CACNA1C: variants seen among roughly 807,000 people sequenced by gnomAD.
CACNA1C encodes the protein voltage-dependent L-type calcium channel subunit alpha-1C.
Under a neutral mutation model 229.0 loss-of-function variants are expected in CACNA1C, and 30 were observed. The ratio of observed to expected loss-of-function variants is 0.13; its 90% CI spans 0.10 to 0.18. CACNA1C has a LOEUF of 0.18. Ranked by LOEUF, CACNA1C falls within the 10% of genes least tolerant of loss-of-function variation. CACNA1C has a pLI of 1.00. For synonymous variants in CACNA1C, 1,114 were observed against 1,132.5 expected (o/e 0.98, Z 0.33); for missense variants, 1,658 against 2,845.0 (o/e 0.58, Z 9.49).
chr12:2,509,149 A>AAAGCAGAGGACCCGGGAGGT (rs1163151814), intron 8 of CACNA1C, among the ~76,000 whole-genome samples: 2 of 152,184 alleles, frequency 1.3e-5, no homozygotes, highest in African/African-American at 4.8e-5. Flanking sequence ...TTGTCCCCAA[A>AAAGCAGAGGACCCGGGAGGT]AAGCAGAGGA....
At chr12:2,501,392 A>G (rs1474198644) in intron 7 of CACNA1C, among the ~76,000 whole-genome samples, 1 of 152,146 alleles carries the variant, frequency 6.6e-6, no homozygotes, top group Non-Finnish European at 1.5e-5. Context: ...TGGGACTCCC[A>G]TTCCAGGGCT....
At chr12:2,506,909 C>T (rs189438858) in intron 8 of CACNA1C, among the ~76,000 whole-genome samples, 1,649 of 152,188 alleles carry the variant, frequency 0.011, 25 homozygotes, top group Non-Finnish European at 0.015. Context: ...TGAGGGTCCT[C>T]CCTGAGCAGA....
chr12:2,681,852 T>C, intron 42 of CACNA1C: 4 of 762,578 alleles, frequency 5.2e-6, no homozygotes, highest in Non-Finnish European at 7.1e-6. Context: ...GCAAGGTCTA[T>C]AGAAAGCAAG....
At chr12:2,610,853 T>C (rs1331721063) in intron 28 of CACNA1C, among the ~76,000 whole-genome samples, 154 bp downstream of exon 28, 2 of 152,240 alleles carry the variant, frequency 1.3e-5, no homozygotes, top group Admixed American at 6.5e-5. Context: ...GTCAAGGATG[T>C]GCTCCTCTCT....
chr12:2,072,196 CA>C (rs200113313), intron 1 of CACNA1C, among the ~76,000 whole-genome samples: 1 of 146,458 alleles, frequency 6.8e-6, no homozygotes, highest in African/African-American at 2.6e-5. Flanking sequence ...TATATATATA[CA>C]AAAAATATAT....
At chr12:2,606,108 C>T (rs887342493) in intron 24 of CACNA1C, among the ~76,000 whole-genome samples, 4 of 152,318 alleles carry the variant, frequency 2.6e-5, no homozygotes, top group Middle Eastern at 6.8e-3. Context: ...AAGCCTGCAG[C>T]GGTGACCTAT....
chr12:2,179,996 T>C (rs943118560), intron 3 of CACNA1C, among the ~76,000 whole-genome samples: 2 of 152,252 alleles, frequency 1.3e-5, no homozygotes, highest in Non-Finnish European at 2.9e-5. Flanking sequence ...AGGCCCTTCC[T>C]TCTCCACTCA....
In CACNA1C at chr12:2,383,552, C is replaced by T. The variant is rs1377911908; in HGVS notation, c.478-65424C>T. On this transcript the variant is annotated intron_variant, in intron 3 of 46. Coordinates refer to ENST00000399655, the MANE Select transcript of CACNA1C (RefSeq NM_000719.7). Reference sequence around the variant, plus strand: ...AGCCTGAATTCCCAGACAGAGGAGGCGATCCAATGAGACAGCAGAGTAAGT... The same window carrying T: ...AGCCTGAATTCCCAGACAGAGGAGGTGATCCAATGAGACAGCAGAGTAAGT... Among the ~76,000 whole-genome samples, 4 of 152,096 alleles carry T rather than the reference C, an allele frequency of 2.6e-5. No individual in the cohort carries two copies. The South Asian group carries it at 8.3e-4, about 32-fold the overall frequency.
At chr12:2,576,315 T>TG (rs1329427421) in intron 13 of CACNA1C, among the ~76,000 whole-genome samples, 1 of 152,052 alleles carries the variant, frequency 6.6e-6, no homozygotes, top group Non-Finnish European at 1.5e-5. Context: ...GCAGAGTGTC[T>TG]GGGGGGTGAT....
intron 2 of CACNA1C, among the ~76,000 whole-genome samples, chr12:2,118,644 C>G (rs1176183519): frequency 6.6e-6 from 1 of 152,204 alleles, no homozygotes; most frequent in African/African-American, 2.4e-5. Flanking sequence ...AAGAATGTGC[C>G]TGGCACTGAG....
intron 29 of CACNA1C, among the ~76,000 whole-genome samples, chr12:2,626,669 T>C (rs1275767003): frequency 6.6e-6 from 1 of 152,098 alleles, no homozygotes; most frequent in Non-Finnish European, 1.5e-5. Context: ...TATTCCAGCA[T>C]GAGTAGTGTG....
intron 5 of CACNA1C, among the ~76,000 whole-genome samples, chr12:2,474,820 G>C (rs2099615710): frequency 6.6e-6 from 1 of 151,158 alleles, no homozygotes; most frequent in Non-Finnish European, 1.5e-5. Context: ...TTTTCTTTCA[G>C]AATTGGCAGT....
chr12:2,148,860 T>G (rs565615925), intron 3 of CACNA1C, among the ~76,000 whole-genome samples: 1 of 152,326 alleles, frequency 6.6e-6, no homozygotes, highest in South Asian at 2.1e-4. Context: ...TGTGCTTCCT[T>G]GGCTCTATGC....
intron 19 of CACNA1C, among the ~76,000 whole-genome samples, chr12:2,593,596 C>T (rs2066542931): frequency 6.6e-6 from 1 of 152,198 alleles, no homozygotes. Flanking sequence ...TGATAATTTA[C>T]TAATTCTATT....
chr12:2,256,183 T>A (rs1252048707), intron 3 of CACNA1C, among the ~76,000 whole-genome samples: 1 of 152,154 alleles, frequency 6.6e-6, no homozygotes, highest in Admixed American at 6.5e-5. Flanking sequence ...CTGGAGCTAC[T>A]AGATCAGACT....
At chr12:2,268,864 G>A (rs1344073165) in intron 3 of CACNA1C, among the ~76,000 whole-genome samples, 2 of 152,128 alleles carry the variant, frequency 1.3e-5, no homozygotes, top group Non-Finnish European at 2.9e-5. Flanking sequence ...TGTTCATTCC[G>A]GGCTGAGCAT....
chr12:2,471,864 A>G (rs2099595132), intron 5 of CACNA1C, among the ~76,000 whole-genome samples: 1 of 152,220 alleles, frequency 6.6e-6, no homozygotes, highest in Admixed American at 6.5e-5. Context: ...TATTTTTAAT[A>G]GAGACGGGGT....
intron 1 of CACNA1C, among the ~76,000 whole-genome samples, chr12:2,072,169 TTATATATATACAAATA>T (rs1427778749): frequency 1.3e-5 from 2 of 151,218 alleles, no homozygotes; most frequent in East Asian, 3.9e-4. Context: ...TGCAACAAGA[TTATATATATACAAATA>T]TATATATATA....
Position 2,204,792 on chromosome 12 carries a change from G to A in CACNA1C, c.477+84362G>A, listed in dbSNP as rs1236263258. Among the ~76,000 whole-genome samples the A allele has an allele frequency of 5.8e-4, 69 of 118,548 alleles. 2 individuals are homozygous for A. The highest frequency in any genetic ancestry group is 1.1e-3 in the Non-Finnish European group (57 of 54,196). 77.8% of individuals were successfully genotyped at this position (118,548 alleles called of 152,430 possible). ...GGAATATCACACTCTGGGGACTGTG[G>A]TGGGGTTGGGGGAGGGGGGAGGGAT... On this transcript the variant is annotated intron_variant, in intron 3 of 46. Transcript: ENST00000399655.
Sources: allele counts gnomAD v4.1 joint callset (sites outside exome capture counted in the v4.1 genomes callset), GRCh38; gene constraint gnomAD v4.1.1; transcripts MANE v1.5; gene names NCBI Gene and HGNC (gene_info 2026-07-23, HGNC 2026-07-21).